The following ANKRD55 variants were observed in gnomAD, a reference collection of about 807,000 sequenced individuals.
ANKRD55 encodes the protein ankyrin repeat domain 55, also known as ankyrin repeat domain-containing protein 55.
In ANKRD55, 41 loss-of-function variants were observed where a neutral mutation model predicts 60.6. The ratio of observed to expected loss-of-function variants is 0.68; its 90% CI spans 0.53 to 0.88. The LOEUF (loss-of-function observed/expected upper bound fraction) is 0.88, where lower values mean the gene tolerates loss of function less well. ANKRD55 is among the 40% of genes least tolerant of loss of function. The pLI is 0.00. For synonymous variants in ANKRD55, 264 were observed against 290.3 expected, an observed-to-expected ratio of 0.91 and a Z score of 0.92; for missense variants, 732 against 767.6, an observed-to-expected ratio of 0.95 and a Z score of 0.55.
At chr5:56,190,362 T>C (rs1759066038) in intron 2 of ANKRD55, among the ~76,000 whole-genome samples, 1 of 152,242 alleles carries the variant, frequency 6.6e-6, no homozygotes, top group Non-Finnish European at 1.5e-5. Context: ...TCTTCTGTTG[T>C]CTGTGCATTT....
intron 2 of ANKRD55, among the ~76,000 whole-genome samples, chr5:56,209,206 C>G (rs1473125002): frequency 6.6e-6 from 1 of 152,166 alleles, no homozygotes; most frequent in Non-Finnish European, 1.5e-5. Context: ...ATCTACCCCC[C>G]TCGGCCTCCC....
rs533267016 is a variant in ANKRD55 at position 56,132,654 on chromosome 5, T to A, written c.613-5548A>T. ...AAACAGTAACAAATATGATCGATGTTACTCTAACTATATGAATAATCACTC... is the reference window on the plus strand; with the variant it reads ...AAACAGTAACAAATATGATCGATGTAACTCTAACTATATGAATAATCACTC... On this transcript the variant is annotated intron_variant, in intron 7 of 11. Coordinates refer to ENST00000341048, the MANE Select transcript of ANKRD55 (RefSeq NM_024669.3). Among the ~76,000 whole-genome samples, 3 of 151,338 alleles carry A rather than the reference T, an allele frequency of 2.0e-5. No individual in the cohort carries two copies. The South Asian group carries it at 6.3e-4, about 32-fold the overall frequency.
chr5:56,212,847 TAA>T (rs1759710629), intron 2 of ANKRD55, among the ~76,000 whole-genome samples: 1 of 152,202 alleles, frequency 6.6e-6, no homozygotes. Context: ...GTAGAATTAA[TAA>T]GATTCAATTA....
chr5:56,159,995 G>C, intron 5 of ANKRD55, 102 bp from the exon 6 acceptor site: 1 of 943,506 alleles, frequency 1.1e-6, no homozygotes, highest in East Asian at 2.5e-5. Flanking sequence ...TCAGTTGAAA[G>C]ACTCCAAATG....
intron 8 of ANKRD55, among the ~76,000 whole-genome samples, chr5:56,118,919 T>A (rs565104373): frequency 7.2e-5 from 11 of 152,244 alleles, no homozygotes; most frequent in African/African-American, 2.6e-4. Context: ...AGCTTGGCAA[T>A]ACCAGGTGCT....
intron 11 of ANKRD55, among the ~76,000 whole-genome samples, chr5:56,102,013 T>A (rs1166974337): frequency 6.6e-6 from 1 of 152,012 alleles, no homozygotes; most frequent in African/African-American, 2.4e-5. Flanking sequence ...TTAAAAAAAA[T>A]AAGCATTTAA....
chr5:56,183,332 G>T (rs116607525), intron 3 of ANKRD55, among the ~76,000 whole-genome samples, 180 bp downstream of exon 3: 1,775 of 152,242 alleles, frequency 0.012, 33 homozygotes, highest in African/African-American at 0.041. Context: ...TTCATACAAA[G>T]ATATTGAAAA....
At chr5:56,155,507 A>C (rs1209678907) in intron 6 of ANKRD55, among the ~76,000 whole-genome samples, 1 of 152,148 alleles carries the variant, frequency 6.6e-6, no homozygotes, top group African/African-American at 2.4e-5. Flanking sequence ...TTTGGGTGTT[A>C]TCTCTCTCCT....
At chr5:56,190,652 G>A (rs897171754) in intron 2 of ANKRD55, among the ~76,000 whole-genome samples, 7 of 151,956 alleles carry the variant, frequency 4.6e-5, no homozygotes, top group African/African-American at 1.2e-4. Context: ...AAACTTATTT[G>A]GCTCATGGTT....
At chr5:56,133,428 G>A in intron 7 of ANKRD55, among the ~76,000 whole-genome samples, 1 of 95,148 alleles carries the variant, frequency 1.1e-5, no homozygotes, top group African/African-American at 4.2e-5. Flanking sequence ...GACAGAGGAA[G>A]ACTCCGTCTC....
In ANKRD55 at chr5:56,162,280, T is replaced by C. The variant is rs79301076; in HGVS notation, c.423-2387A>G. Among the ~76,000 whole-genome samples, 894 of 152,320 alleles carry C rather than the reference T, an allele frequency of 5.9e-3. 7 individuals are homozygous for C. Among genetic ancestry groups the C allele is most frequent in the African/African-American group, 0.021 (866 of 41,564 alleles). The stretch of plus-strand genomic sequence containing the variant: ...AAGGTTGTGGGATGAACCGTGTGCC[T>C]AGATAGTTCTCTATTTGGCTTTCAA... On this transcript the variant is annotated intron_variant, in intron 5 of 11. Coordinates refer to ENST00000341048, the MANE Select transcript of ANKRD55 (RefSeq NM_024669.3).
chr5:56,175,546 A>G (rs1260793924), intron 4 of ANKRD55, among the ~76,000 whole-genome samples: 1 of 152,170 alleles, frequency 6.6e-6, no homozygotes, highest in Non-Finnish European at 1.5e-5. Context: ...GGCTTGCTCT[A>G]ATGTTGGGAA....
intron 2 of ANKRD55, among the ~76,000 whole-genome samples, chr5:56,221,011 G>C (rs1442386451): frequency 6.6e-6 from 1 of 152,054 alleles, no homozygotes; most frequent in Non-Finnish European, 1.5e-5. Flanking sequence ...ACCAGTACTG[G>C]TTTGCATCTT....
intron 2 of ANKRD55, among the ~76,000 whole-genome samples, chr5:56,210,257 A>C (rs780041173): frequency 6.6e-6 from 1 of 152,008 alleles, no homozygotes; most frequent in Non-Finnish European, 1.5e-5. Flanking sequence ...TATCCTTTCT[A>C]TTGTCTCTAC....
intron 2 of ANKRD55, among the ~76,000 whole-genome samples, chr5:56,194,688 C>G (rs1341819864): frequency 1.3e-5 from 2 of 152,092 alleles, no homozygotes; most frequent in African/African-American, 4.8e-5. Context: ...TATTAATTTA[C>G]TCAAAGTATT....
chr5:56,172,113 T>A (rs966441950), intron 4 of ANKRD55, among the ~76,000 whole-genome samples: 1 of 142,956 alleles, frequency 7.0e-6, no homozygotes, highest in South Asian at 2.2e-4. Context: ...AACGAGACTC[T>A]GTCTCAAGAA....
In ANKRD55 at chr5:56,127,212, AAAG is replaced by A. The variant is rs1310314969; in HGVS notation, c.613-109_613-107del. The A allele has an allele frequency of 3.7e-6, 5 of 1,336,304 alleles. No individual in the cohort carries two copies. In the African/African-American group the frequency reaches 7.5e-5, roughly 20 times the overall value. The allele number at this position is 1,336,304 out of a possible 1,614,324, so 82.8% of individuals were successfully genotyped here. A position where few individuals can be genotyped will look rare whatever the true frequency, so the allele number is the denominator to read the frequency against. On this transcript the variant is annotated intron_variant, in intron 7 of 11. Coordinates refer to ENST00000341048, the MANE Select transcript of ANKRD55 (RefSeq NM_024669.3). ...AAGGAAAAAAAGGAAAGAAAGAAAG[AAAG>A]AAAAAAGATGAAAAGAGAAAAGGAA...
chr5:56,115,115 G>A lies in ANKRD55; in HGVS notation c.965+1500C>T, dbSNP rs115837970. ...CTCAGGAGGTTGAGGTGAGGGGATCGTTTGAGCCCAAGAGTTCAAGGTTGC... is the reference window on the plus strand; with the variant it reads ...CTCAGGAGGTTGAGGTGAGGGGATCATTTGAGCCCAAGAGTTCAAGGTTGC... On this transcript the variant is annotated intron_variant, in intron 9 of 11. Transcript: ENST00000341048. Among the ~76,000 whole-genome samples the A allele has an allele frequency of 7.3e-3, 1,103 of 151,850 alleles. 10 individuals carry two copies. Among genetic ancestry groups the A allele is most frequent in the African/African-American group, 0.025 (1,053 of 41,426 alleles).
At chr5:56,161,787 A>G (rs1451461879) in intron 5 of ANKRD55, among the ~76,000 whole-genome samples, 1 of 152,232 alleles carries the variant, frequency 6.6e-6, no homozygotes, top group Non-Finnish European at 1.5e-5. Flanking sequence ...CCTGGGTCAC[A>G]TACACTAAAG....
Sources: allele counts gnomAD v4.1 joint callset (sites outside exome capture counted in the v4.1 genomes callset), GRCh38; gene constraint gnomAD v4.1.1; transcripts MANE v1.5; gene names NCBI Gene and HGNC (gene_info 2026-07-23, HGNC 2026-07-21).